Variants in ZNF507 observed in about 807,000 individuals in gnomAD.
The protein encoded by ZNF507 is zinc finger protein 507.
Under a neutral mutation model 80.0 loss-of-function variants are expected in ZNF507, and 29 were observed. The ratio of observed to expected loss-of-function variants is 0.36; its 90% CI spans 0.27 to 0.49. ZNF507 has a LOEUF of 0.49. Ranked by LOEUF, ZNF507 falls within the 20% of genes least tolerant of loss-of-function variation. ZNF507 has a pLI of 0.98. For missense variants in ZNF507, 1,081 were observed against 1,152.2 expected, an observed-to-expected ratio of 0.94 and a Z score of 0.90; for synonymous variants, 462 against 422.5, an observed-to-expected ratio of 1.09 and a Z score of -1.15.
chr19:32,360,534 G>A lies in ZNF507; in HGVS notation c.2276G>A (p.Arg759Lys). 1.3e-6 allele frequency: 2 copies of A among 1,598,840 alleles called. No homozygotes were observed. The highest frequency in any genetic ancestry group is 1.7e-6 in the Non-Finnish European group (2 of 1,173,722). Reference protein sequence around the residue: ...GNKSSVQKQYRCDVCDYTSTT... With the variant: ...GNKSSVQKQYKCDVCDYTSTT... ...AAGTCTTCAGTCCAGAAACAATATA[G>A]ATGTGATGTGTGTGATTATACAAGT... Residue 759 changes from arginine to lysine, a missense_variant, in exon 5 of 7, where the codon AGA becomes AAA. Transcript: ENST00000355898.
At chr19:32,377,343 G>A (rs571485774) in intron 5 of ZNF507, among the ~76,000 whole-genome samples, 2 of 152,110 alleles carry the variant, frequency 1.3e-5, no homozygotes, top group African/African-American at 4.8e-5. Context: ...CAGAAGGCTC[G>A]CACTCTTGTC....
At chr19:32,347,008 A>G (rs1568300674) in intron 1 of ZNF507, among the ~76,000 whole-genome samples, 2 of 152,244 alleles carry the variant, frequency 1.3e-5, no homozygotes, top group South Asian at 4.1e-4. Flanking sequence ...AAAATACACA[A>G]TTATTGGGAG....
rs1233887335 is a variant in ZNF507, at chr19:32,351,133, T to TA, written c.-2-1696_-2-1695insA. ...AGAGTGGCTGAAGGACCACGGGCCT[T>TA]TGGGAGCCAGGGTAGCTGTCATTGT... On this transcript the variant is annotated intron_variant, in intron 2 of 6. Coordinates refer to ENST00000355898, the MANE Select transcript of ZNF507 (RefSeq NM_001136156.2). Among the ~76,000 whole-genome samples the TA allele has an allele frequency of 2.0e-5, 3 of 152,294 alleles. No homozygotes were observed. The East Asian group carries it at 5.8e-4, about 29-fold the overall frequency.
At chr19:32,373,876 G>A (rs1326236958) in intron 5 of ZNF507, among the ~76,000 whole-genome samples, 1 of 152,114 alleles carries the variant, frequency 6.6e-6, no homozygotes, top group African/African-American at 2.4e-5. Flanking sequence ...GTTTAGCATT[G>A]GGAGATAAGG....
chr19:32,352,331 T>A (rs1341612161), intron 2 of ZNF507, among the ~76,000 whole-genome samples: 1 of 152,172 alleles, frequency 6.6e-6, no homozygotes, highest in Non-Finnish European at 1.5e-5. Flanking sequence ...ATTTTAGTAA[T>A]AAAACTGCAG....
Position 32,353,299 on chromosome 19 carries a change from T to G in ZNF507, c.469T>G (p.Cys157Gly). 1 of 1,614,258 alleles carries G rather than the reference T, an allele frequency of 6.2e-7. No individual in the cohort carries two copies. The highest frequency in any genetic ancestry group is 1.1e-5 in the South Asian group (1 of 91,090). Residue 157 changes from cysteine (C) to glycine (G), a missense_variant, in exon 3 of 7, where the codon TGC becomes GGC. Around this residue, in one of 6 missense-constraint regions of ZNF507, gnomAD observed 275 missense variants for 303.9 expected, o/e 0.90. Transcript: ENST00000355898. The stretch of plus-strand genomic sequence containing the variant: ...TCAGCAAAATGAAGTGATACTGATG[T>G]GCTCAGAGTGCCATATTACATCTAG... ...HGQQNEVILM[C>G]SECHITSRSQ...
At chr19:32,370,093 T>TGTGCGTGCATAC (rs1329183481) in intron 5 of ZNF507, among the ~76,000 whole-genome samples, 1 of 152,264 alleles carries the variant, frequency 6.6e-6, no homozygotes, top group Non-Finnish European at 1.5e-5. Flanking sequence ...AGTATGTGTG[T>TGTGCGTGCATAC]GTGCGTGCAT....
Position 32,356,705 on chromosome 19 carries a change from T to A in ZNF507, c.2217T>A (p.Asp739Glu). 6.2e-7 allele frequency: 1 copy of A among 1,614,000 alleles called. No individual in the cohort carries two copies. Among genetic ancestry groups the A allele is most frequent in the Non-Finnish European group, 8.5e-7 (1 of 1,179,848 alleles). The stretch of plus-strand genomic sequence containing the variant: ...CTAATGAGCCAAGAATTTCCAGTGA[T>A]ACAGCTGATGGAAAATGTGTCCAGG... ...ATSNEPRISS[D>E]TADGKCVQEG... The change falls in exon 4 of 7, where the codon GAT (aspartate) becomes GAA (glutamate). Residue 739 changes from aspartate to glutamate, a missense_variant. Asp to Glu is a conservative substitution (Grantham distance 45). This residue lies in a region of ZNF507 where 614 missense variants were observed against 583.9 expected (regional missense o/e 1.05). Transcript: ENST00000355898.
Position 32,354,768 on chromosome 19 carries a change from T to A in ZNF507, c.1938T>A (p.Cys646Ter). The A allele has an allele frequency of 6.2e-7, 1 of 1,614,126 alleles. No individual in the cohort carries two copies. The highest frequency in any genetic ancestry group is 8.5e-7 in the Non-Finnish European group (1 of 1,180,016). Residue 646 changes from cysteine to a stop codon, truncating the protein, a stop_gained, in exon 3 of 7, where the codon TGT (cysteine) becomes TGA (stop). Coordinates refer to ENST00000355898, the MANE Select transcript of ZNF507 (RefSeq NM_001136156.2). LOFTEE classifies it high-confidence loss of function. ...AACGACCCTACCGTTGCCGCCTGTGTCACTACACAAGTGGCAACAAGGGCT... is the reference window on the plus strand; with the variant it reads ...AACGACCCTACCGTTGCCGCCTGTGACACTACACAAGTGGCAACAAGGGCT... ...NAERPYRCRL[C>*]HYTSGNKGYI...
intron 5 of ZNF507, among the ~76,000 whole-genome samples, chr19:32,365,165 C>T (rs531311137): frequency 6.6e-6 from 1 of 152,124 alleles, no homozygotes; most frequent in Non-Finnish European, 1.5e-5. Context: ...TATTTATGTC[C>T]TTAGCCCACT....
chr19:32,353,460 C>A lies in ZNF507; in HGVS notation c.630C>A (p.Thr210=). ...LCRKTTERNE[T]IPDIPVSVDN... ...GGAAAACCACAGAAAGAAATGAAAC[C>A]ATTCCAGATATCCCAGTAAGTGTGG... Residue 210 remains threonine (T), a synonymous_variant, in exon 3 of 7, where the codon ACC becomes ACA. Coordinates refer to ENST00000355898, the MANE Select transcript of ZNF507 (RefSeq NM_001136156.2). The A allele has an allele frequency of 1.2e-6, 2 of 1,614,210 alleles. No individual in the cohort carries two copies. The highest frequency in any genetic ancestry group is 1.7e-6 in the Non-Finnish European group (2 of 1,180,044).
At chr19:32,380,212 C>T (rs1967605329) in intron 5 of ZNF507, among the ~76,000 whole-genome samples, 1 of 151,984 alleles carries the variant, frequency 6.6e-6, no homozygotes, top group Non-Finnish European at 1.5e-5. Context: ...CTATTTAGGC[C>T]GGGTATGGTA....
In ZNF507 at chr19:32,353,300, G is replaced by T. The variant is rs1209676786; in HGVS notation, c.470G>T (p.Cys157Phe). 6.2e-7 allele frequency: 1 copy of T among 1,614,194 alleles called. No individual in the cohort carries two copies. Among genetic ancestry groups the T allele is most frequent in the Middle Eastern group, 1.6e-4 (1 of 6,062 alleles). Residue 157 changes from cysteine (C) to phenylalanine (F), a missense_variant, in exon 3 of 7, where the codon TGC (cysteine) becomes TTC (phenylalanine). Cys to Phe is a radical substitution (Grantham distance 205, BLOSUM62 -2). Transcript: ENST00000355898. ...CAGCAAAATGAAGTGATACTGATGT[G>T]CTCAGAGTGCCATATTACATCTAGA... Reference protein sequence around the residue: ...HGQQNEVILMCSECHITSRSQ... With the variant: ...HGQQNEVILMFSECHITSRSQ...
intron 2 of ZNF507, 32 bp from the exon 3 acceptor site, chr19:32,352,797 G>C: frequency 1.3e-6 from 2 of 1,515,614 alleles, no homozygotes; most frequent in South Asian, 1.3e-5. Context: ...CCTGTAACCT[G>C]GTATTTTTCT....
intron 5 of ZNF507, among the ~76,000 whole-genome samples, chr19:32,372,498 G>C (rs1967487175): frequency 6.6e-6 from 1 of 151,840 alleles, no homozygotes; most frequent in Admixed American, 6.6e-5. Flanking sequence ...GTTTTTTTCA[G>C]CTGTCAGTTC....
rs780437703 is a variant in ZNF507, at chr19:32,352,909, A to G, written c.79A>G (p.Ile27Val). The change falls in exon 3 of 7, where the codon ATC becomes GTC. Residue 27 changes from isoleucine (I) to valine (V), a missense_variant. Physicochemically the swap from Ile to Val is conservative, Grantham distance 29. Coordinates refer to ENST00000355898, the MANE Select transcript of ZNF507 (RefSeq NM_001136156.2). The part of the protein sequence containing the change: ...QEAILTAESI[I>V]SPSLEIDEQR... ...AGCTATACTGACTGCTGAAAGTATC[A>G]TCAGTCCTTCATTGGAAATTGATGA... 2.0e-5 allele frequency: 32 copies of G among 1,614,006 alleles called. No individual in the cohort carries two copies. The highest frequency in any genetic ancestry group is 2.7e-5 in the Non-Finnish European group (32 of 1,179,996).
At chr19:32,371,149 G>A (rs1967464813) in intron 5 of ZNF507, among the ~76,000 whole-genome samples, 1 of 151,672 alleles carries the variant, frequency 6.6e-6, no homozygotes, top group Admixed American at 6.6e-5. Flanking sequence ...TCCTTTTTCT[G>A]GGTACTACAT....
At position 32,382,949 on chromosome 19, in the gene ZNF507, C is replaced by A. The variant is rs775651282; in HGVS notation, c.2728C>A (p.Leu910Ile). The A allele has an allele frequency of 5.0e-6, 8 of 1,614,156 alleles. No individual in the cohort carries two copies. The highest frequency in any genetic ancestry group is 2.7e-5 in the African/African-American group (2 of 75,044). The part of the protein sequence containing the change: ...APPSMEYCVL[L>I]FCCCICGFES... The stretch of plus-strand genomic sequence containing the variant: ...TCCTAGCATGGAGTACTGCGTTTTA[C>A]TCTTCTGCTGTTGTATTTGTGGTTT... Residue 910 changes from leucine to isoleucine, a missense_variant, in exon 7 of 7, where the codon CTC becomes ATC. By Grantham distance (5) the Leu-to-Ile change is conservative. Coordinates refer to ENST00000355898, the MANE Select transcript of ZNF507 (RefSeq NM_001136156.2).
chr19:32,364,652 A>T (rs1967373708), intron 5 of ZNF507, among the ~76,000 whole-genome samples: 1 of 152,200 alleles, frequency 6.6e-6, no homozygotes, highest in African/African-American at 2.4e-5. Context: ...AGGTCACTGC[A>T]AATGCTGTTA....
Sources: allele counts gnomAD v4.1 joint callset (sites outside exome capture counted in the v4.1 genomes callset), GRCh38; gene constraint gnomAD v4.1.1; regional missense constraint gnomAD v4.1.1; transcripts MANE v1.5; gene names NCBI Gene and HGNC (gene_info 2026-07-23, HGNC 2026-07-21).